The following TP53BP2 variants were observed in gnomAD, a reference collection of about 807,000 sequenced individuals.
The protein encoded by TP53BP2 is apoptosis-stimulating of p53 protein 2.
In TP53BP2, 62 loss-of-function variants were observed where a neutral mutation model predicts 126.2. That is an observed-to-expected ratio of 0.49 (90% CI 0.40 to 0.61). TP53BP2 has a LOEUF of 0.61. Among genes scored for constraint, TP53BP2 ranks in the 20% least tolerant of loss-of-function variants. The pLI, the probability that TP53BP2 is intolerant of heterozygous loss-of-function variation, is 0.00. For synonymous variants in TP53BP2, 485 were observed against 502.9 expected (o/e 0.96, Z 0.48); for missense variants, 1,215 against 1,402.8 (o/e 0.87, Z 2.14).
chr1:223,834,662 G>C (rs1457627959), intron 1 of TP53BP2, among the ~76,000 whole-genome samples: 1 of 151,910 alleles, frequency 6.6e-6, no homozygotes, highest in Non-Finnish European at 1.5e-5. Context: ...TTATAGCCTC[G>C]AGTCACCAAA....
chr1:223,806,984 T>C (rs763327136), intron 4 of TP53BP2, 37 bp from the exon 5 acceptor site: 3 of 1,517,686 alleles, frequency 2.0e-6, no homozygotes. Flanking sequence ...AATCCCAGCT[T>C]ACTATAAAAC....
chr1:223,801,951 A>C, intron 9 of TP53BP2, 165 bp downstream of exon 9: 1 of 582,360 alleles, frequency 1.7e-6, no homozygotes. Flanking sequence ...CAACCAGGGT[A>C]TCAATTTTAA....
chr1:223,790,781 T>C (rs925976175), intron 15 of TP53BP2, among the ~76,000 whole-genome samples: 1 of 151,966 alleles, frequency 6.6e-6, no homozygotes, highest in Non-Finnish European at 1.5e-5. Context: ...TTTTTAAAAA[T>C]TTTTTATAGA....
chr1:223,796,358 T>C lies in TP53BP2; in HGVS notation c.2181A>G (p.Leu727=), dbSNP rs1480159558. ...RNQSDADLEA[L]RKKLSNAPRP... ...TTGGTGCGTTAGACAGTTTCTTTCG[T>C]AAGGCTTCTAGGTCAGCATCACTCT... Residue 727 remains leucine (L), a synonymous_variant, in exon 13 of 18, where the codon TTA becomes TTG. Transcript: ENST00000343537. The surrounding 1 kb of genome is among the most constrained non-coding windows in gnomAD (Gnocchi z 4.2). 2 of 1,614,090 alleles carry C rather than the reference T, an allele frequency of 1.2e-6. No homozygotes were observed. Among genetic ancestry groups the C allele is most frequent in the African/African-American group, 2.7e-5 (2 of 74,940 alleles).
chr1:223,831,289 T>C (rs1663700761), intron 1 of TP53BP2, among the ~76,000 whole-genome samples: 1 of 147,944 alleles, frequency 6.8e-6, no homozygotes, highest in Non-Finnish European at 1.5e-5. Context: ...TCCTAGCTAC[T>C]GAAGAGGCCG....
chr1:223,837,126 G>C (rs1057016077), intron 1 of TP53BP2, among the ~76,000 whole-genome samples: 5 of 111,234 alleles, frequency 4.5e-5, no homozygotes, highest in Admixed American at 2.8e-4. Context: ...GGAAAATGAA[G>C]ATACTATTGT....
chr1:223,799,938 C>A lies in TP53BP2; in HGVS notation c.1446G>T (p.Arg482Ser). 6.2e-7 allele frequency: 1 copy of A among 1,610,882 alleles called. No individual in the cohort carries two copies. ...SNAPPSFGTL[R>S]KNQSSEDILR... ...AGATATCTTCACTGCTCTGGTTCTT[C>A]CTCAGAGTACCAAAGGAAGGTGGGG... The change falls in exon 11 of 18, where the codon AGG becomes AGT. Residue 482 changes from arginine to serine, a missense_variant. This residue lies in a region of TP53BP2 where 814 missense variants were observed against 853.0 expected (regional missense o/e 0.95). Transcript: ENST00000343537.
chr1:223,790,251 CA>C (rs1330655017), intron 15 of TP53BP2, among the ~76,000 whole-genome samples: 2 of 150,254 alleles, frequency 1.3e-5, no homozygotes, highest in Non-Finnish European at 3.0e-5. Context: ...GACTCTGTCT[CA>C]AAAAAATTTT....
intron 15 of TP53BP2, among the ~76,000 whole-genome samples, chr1:223,791,089 T>C: frequency 6.6e-6 from 1 of 152,078 alleles, no homozygotes; most frequent in East Asian, 1.9e-4. Context: ...CTTAAAACAT[T>C]ACATATGTAT....
chr1:223,813,293 A>G (rs960506114), intron 3 of TP53BP2, among the ~76,000 whole-genome samples: 23 of 152,116 alleles, frequency 1.5e-4, no homozygotes, highest in African/African-American at 5.3e-4. Flanking sequence ...ACTCTAATTC[A>G]GCCTCATTTC....
Position 223,795,914 on chromosome 1 carries a change from G to A in TP53BP2, c.2625C>T (p.Tyr875=). 13 of 1,613,126 alleles carry A rather than the reference G, an allele frequency of 8.1e-6. No individual in the cohort carries two copies. The highest frequency in any genetic ancestry group is 1.1e-5 in the Non-Finnish European group (13 of 1,179,316). The change falls in exon 13 of 18, where the codon TAC becomes TAT. Residue 875 remains tyrosine (Y), a synonymous_variant. Coordinates refer to ENST00000343537, the MANE Select transcript of TP53BP2 (RefSeq NM_001031685.3). ...CCCCAGATGGGTATGGTGGGGGTGGGTATGGAGGGTACTCCTCCAGGTACA... is the reference window on the plus strand; with the variant it reads ...CCCCAGATGGGTATGGTGGGGGTGGATATGGAGGGTACTCCTCCAGGTACA... The part of the protein sequence containing the change: ...LDVYLEEYPP[Y]PPPPYPSGEP...
At chr1:223,841,351 C>A (rs903084672) in intron 1 of TP53BP2, among the ~76,000 whole-genome samples, 2 of 152,076 alleles carry the variant, frequency 1.3e-5, no homozygotes, top group African/African-American at 4.8e-5. Flanking sequence ...AGATAGGAAC[C>A]TCTCTTTAGG....
intron 1 of TP53BP2, among the ~76,000 whole-genome samples, chr1:223,838,355 G>A (rs892360132): frequency 6.6e-6 from 1 of 152,156 alleles, no homozygotes; most frequent in South Asian, 2.1e-4. Flanking sequence ...GTTAATGAGG[G>A]AGAATGAAAA....
intron 15 of TP53BP2, among the ~76,000 whole-genome samples, chr1:223,790,309 C>T (rs1246635739): frequency 2.0e-5 from 3 of 151,782 alleles, no homozygotes; most frequent in Admixed American, 1.3e-4. Flanking sequence ...GTAATCCTGG[C>T]ACTCTGAGAG....
intron 17 of TP53BP2, among the ~76,000 whole-genome samples, chr1:223,783,513 A>G (rs1463781785): frequency 1.3e-5 from 2 of 152,042 alleles, no homozygotes; most frequent in Admixed American, 1.3e-4. Context: ...CACACACACA[A>G]CTGCTATAAG....
At chr1:223,812,318 T>G (rs1662937711) in intron 3 of TP53BP2, among the ~76,000 whole-genome samples, 1 of 152,194 alleles carries the variant, frequency 6.6e-6, no homozygotes, top group African/African-American at 2.4e-5. Flanking sequence ...TACTATAAAT[T>G]TAATCATTCC....
intron 13 of TP53BP2, among the ~76,000 whole-genome samples, chr1:223,793,712 G>A (rs948580469): frequency 5.3e-5 from 8 of 152,230 alleles, no homozygotes; most frequent in African/African-American, 1.9e-4. Context: ...TGGGTTATAT[G>A]TTATAGTATG....
At chr1:223,782,363 G>A (rs898688825) in intron 17 of TP53BP2, among the ~76,000 whole-genome samples, 1 of 152,196 alleles carries the variant, frequency 6.6e-6, no homozygotes, top group African/African-American at 2.4e-5. Context: ...TACCATTGAT[G>A]TTTATGTTTA....
chr1:223,803,149 C>A, intron 7 of TP53BP2, 122 bp downstream of exon 7: 2 of 1,260,884 alleles, frequency 1.6e-6, no homozygotes, highest in South Asian at 1.5e-5. Flanking sequence ...TTGGGTTCCC[C>A]CCACAACCTG....
Sources: allele counts gnomAD v4.1 joint callset (sites outside exome capture counted in the v4.1 genomes callset), GRCh38; gene constraint gnomAD v4.1.1; regional missense constraint gnomAD v4.1.1; non-coding constraint Gnocchi (gnomAD v3.1); transcripts MANE v1.5; gene names NCBI Gene and HGNC (gene_info 2026-07-23, HGNC 2026-07-21).